LMNTD1: variants seen among roughly 807,000 people sequenced by gnomAD.
LMNTD1 encodes the protein lamin tail domain-containing protein 1.
In LMNTD1, 35 loss-of-function variants were observed where a neutral mutation model predicts 50.9. The ratio of observed to expected loss-of-function variants is 0.69; its 90% CI spans 0.53 to 0.91. The LOEUF (loss-of-function observed/expected upper bound fraction) is 0.91, where lower values mean the gene tolerates loss of function less well. Among genes scored for constraint, LMNTD1 ranks in the 40% least tolerant of loss-of-function variants. LMNTD1 has a pLI of 0.00. For synonymous variants in LMNTD1, 153 were observed against 161.9 expected (o/e 0.94, Z 0.42); for missense variants, 470 against 475.5 (o/e 0.99, Z 0.11).
At chr12:25,616,239 A>T (rs1946351583) in intron 1 of LMNTD1, among the ~76,000 whole-genome samples, 1 of 152,136 alleles carries the variant, frequency 6.6e-6, no homozygotes, top group South Asian at 2.1e-4. Flanking sequence ...AAAAATATTT[A>T]ATTATTATTA....
intron 1 of LMNTD1, chr12:25,593,064 A>G (rs1482442305): frequency 2.3e-5 from 3 of 132,382 alleles, no homozygotes; most frequent in African/African-American, 8.3e-5. Flanking sequence ...CAGCTGCAGT[A>G]AGACCCGCCC....
intron 1 of LMNTD1, among the ~76,000 whole-genome samples, chr12:25,568,715 C>T (rs1467651736): frequency 5.9e-5 from 9 of 152,196 alleles, no homozygotes; most frequent in Non-Finnish European, 1.3e-4. Flanking sequence ...GCTCAAAGTG[C>T]CCCAGATACA....
At position 25,609,225 on chromosome 12, in the gene LMNTD1, A is replaced by G. The variant is rs577736806; in HGVS notation, c.58+39269T>C. On this transcript the variant is annotated intron_variant, in intron 1 of 7. Coordinates refer to the LMNTD1 transcript ENST00000445693. ...TTTATTCTAGTTAGCCATTCATCCA[A>G]TCTTTTTTCAAGGTTTTTAGCTTCT... Among the ~76,000 whole-genome samples the G allele has an allele frequency of 6.9e-4, 105 of 152,228 alleles. 2 individuals are homozygous for G. Among genetic ancestry groups the G allele is most frequent in the African/African-American group, 2.2e-3 (93 of 41,532 alleles).
chr12:25,640,280 C>A (rs766687201), intron 1 of LMNTD1, among the ~76,000 whole-genome samples: 2 of 151,998 alleles, frequency 1.3e-5, no homozygotes, highest in Admixed American at 6.6e-5. Context: ...GAGGCCAAGG[C>A]GGGCAGATTG....
At chr12:25,622,463 G>GCACCCCCC (rs1555124240) in intron 1 of LMNTD1, among the ~76,000 whole-genome samples, 1 of 111,154 alleles carries the variant, frequency 9.0e-6, no homozygotes, top group Non-Finnish European at 2.0e-5. Context: ...GAGTTTGTGA[G>GCACCCCCC]CCCGCCCCCC....
At chr12:25,495,069 G>A (rs1167373141) in intron 9 of LMNTD1, among the ~76,000 whole-genome samples, 1 of 152,082 alleles carries the variant, frequency 6.6e-6, no homozygotes, top group Non-Finnish European at 1.5e-5. Flanking sequence ...AGACACTGGA[G>A]GAAGGGCCAA....
In LMNTD1 at chr12:25,617,014, A is replaced by G. The variant is rs149099039; in HGVS notation, c.58+31480T>C. ...TAAATTATACCTCAATATAATTTACATTATGTAACTCAATATAGCTGTTTT... is the reference window on the plus strand; with the variant it reads ...TAAATTATACCTCAATATAATTTACGTTATGTAACTCAATATAGCTGTTTT... On this transcript the variant is annotated intron_variant, in intron 1 of 7. Transcript: ENST00000445693. 2.7e-3 allele frequency among the ~76,000 whole-genome samples: 407 copies of G among 152,340 alleles called. 4 individuals are homozygous for G. Among genetic ancestry groups the G allele is most frequent in the Admixed American group, 0.014 (207 of 15,308 alleles).
chr12:25,595,688 G>A (rs111994555), intron 1 of LMNTD1, among the ~76,000 whole-genome samples: 5,310 of 151,794 alleles, frequency 0.035, 303 homozygotes, highest in African/African-American at 0.11. Flanking sequence ...ACAAGAACAA[G>A]CCAAACCCAA....
chr12:25,518,465 GT>G, intron 8 of LMNTD1, among the ~76,000 whole-genome samples: 1 of 147,910 alleles, frequency 6.8e-6, no homozygotes, highest in South Asian at 2.2e-4. Context: ...TGTAAGAACA[GT>G]TTTTGCTGCC....
At chr12:25,554,076 A>G (rs1943927018), upstream of LMNTD1, among the ~76,000 whole-genome samples, 1 of 152,260 alleles carries the variant, frequency 6.6e-6, no homozygotes, top group Admixed American at 6.5e-5. Context: ...GTAAGTTAAA[A>G]GGAAGTAAAC....
chr12:25,485,016 A>G (rs1938577307), intron 9 of LMNTD1, among the ~76,000 whole-genome samples: 1 of 152,034 alleles, frequency 6.6e-6, no homozygotes, highest in Admixed American at 6.6e-5. Flanking sequence ...TTGGGTATAT[A>G]CCCAGTAATG....
intron 1 of LMNTD1, among the ~76,000 whole-genome samples, chr12:25,639,151 C>A (rs1367054436): frequency 6.6e-6 from 1 of 152,096 alleles, no homozygotes; most frequent in African/African-American, 2.4e-5. Flanking sequence ...TCAAATTACA[C>A]ACAAAAATTA....
At chr12:25,597,265 TCA>T (rs1945863167) in intron 1 of LMNTD1, among the ~76,000 whole-genome samples, 1 of 151,880 alleles carries the variant, frequency 6.6e-6, no homozygotes, top group African/African-American at 2.4e-5. Context: ...GAAACACACT[TCA>T]TGTATAAAAA....
intron 9 of LMNTD1, among the ~76,000 whole-genome samples, chr12:25,488,461 C>T (rs1169289721): frequency 1.4e-5 from 2 of 144,576 alleles, no homozygotes; most frequent in Admixed American, 7.0e-5. Context: ...ACGTAGTTCT[C>T]GAGCCTTGGT....
chr12:25,552,987 T>C lies in LMNTD1; in HGVS notation c.-28A>G, dbSNP rs752343847. On this transcript the variant is annotated splice_region_variant and 5_prime_UTR_variant, in exon 2 of 10. Coordinates refer to ENST00000458174, the MANE Select transcript of LMNTD1 (RefSeq NM_001145728.2). ...TGGCTAGAAAAGAAGTCTCTTTTCT[T>C]TCCTAGGAAAGCAGATCATGACATC... 2 of 1,609,356 alleles carry C rather than the reference T, an allele frequency of 1.2e-6. No homozygotes were observed. Among genetic ancestry groups the C allele is most frequent in the Non-Finnish European group, 8.5e-7 (1 of 1,176,520 alleles).
chr12:25,601,710 A>G (rs909272586), intron 1 of LMNTD1, among the ~76,000 whole-genome samples: 3 of 151,950 alleles, frequency 2.0e-5, no homozygotes, highest in Non-Finnish European at 2.9e-5. Context: ...AAGAAAGAAA[A>G]TCAATACCTA....
rs563155934 is a variant in LMNTD1, at chr12:25,477,923, CA to C, written c.*23-1464del. Among the ~76,000 whole-genome samples the C allele has an allele frequency of 3.1e-4, 47 of 152,152 alleles. No homozygotes were observed. In the South Asian group the frequency reaches 4.6e-3, roughly 15 times the overall value. ...AAGCAAGGAAAGCCAGTCTGAGTTC[CA>C]AAACTGAAGAACTTGGAGTCCGATA... is the stretch of plus-strand genomic sequence containing the variant. On this transcript the variant is annotated intron_variant, in intron 9 of 9. Transcript: ENST00000458174.
intron 4 of LMNTD1, among the ~76,000 whole-genome samples, chr12:25,540,985 A>G (rs1943027089): frequency 7.3e-6 from 1 of 136,218 alleles, no homozygotes; most frequent in Non-Finnish European, 1.6e-5. Flanking sequence ...AATTGCTTCA[A>G]AGAGAATAAA....
chr12:25,551,380 A>T (rs1046230326), intron 2 of LMNTD1, among the ~76,000 whole-genome samples: 3 of 146,716 alleles, frequency 2.0e-5, no homozygotes, highest in Non-Finnish European at 4.6e-5. Context: ...TGAATAAGAA[A>T]TTTTTTTCTT....
Sources: gnomAD v4.1 joint callset for allele counts (sites outside exome capture counted in the v4.1 genomes callset) on GRCh38, gnomAD v4.1.1 for gene constraint, MANE v1.5 for transcripts, NCBI Gene and HGNC (gene_info 2026-07-23, HGNC 2026-07-21) for gene names.